Variants in PAPSS1 observed in about 807,000 individuals in gnomAD.
PAPSS1 encodes 3'-phosphoadenosine 5'-phosphosulfate synthase 1, also known as bifunctional 3'-phosphoadenosine 5'-phosphosulfate synthase 1.
Under a neutral mutation model 72.0 loss-of-function variants are expected in PAPSS1, and 50 were observed. The observed-to-expected ratio is 0.69, with a 90% CI of 0.55 to 0.88. The LOEUF is 0.88. Among genes scored for constraint, PAPSS1 ranks in the 40% least tolerant of loss-of-function variants. PAPSS1 has a pLI of 0.00. For missense variants in PAPSS1, 657 were observed against 782.2 expected, an observed-to-expected ratio of 0.84 and a Z score of 1.91; for synonymous variants, 261 against 263.6, an observed-to-expected ratio of 0.99 and a Z score of 0.09.
intron 1 of PAPSS1, among the ~76,000 whole-genome samples, chr4:107,702,023 G>A (rs1178838573): frequency 6.8e-6 from 1 of 147,580 alleles, no homozygotes; most frequent in Admixed American, 6.7e-5. Flanking sequence ...CAAAGTATCT[G>A]AACAGGCTTT....
intron 11 of PAPSS1, among the ~76,000 whole-genome samples, chr4:107,630,584 C>T (rs374082312): frequency 1.4e-4 from 22 of 152,282 alleles, no homozygotes; most frequent in South Asian, 2.1e-4. Context: ...AGTCTCATGT[C>T]GTTTTTTATA....
chr4:107,638,722 C>A (rs1031924065), intron 10 of PAPSS1, among the ~76,000 whole-genome samples: 1 of 152,142 alleles, frequency 6.6e-6, no homozygotes, highest in Non-Finnish European at 1.5e-5. Flanking sequence ...GAAAGTATTT[C>A]ATGAGGTCCT....
intron 11 of PAPSS1, among the ~76,000 whole-genome samples, chr4:107,621,863 C>T (rs1328237736): frequency 2.0e-5 from 3 of 151,658 alleles, no homozygotes; most frequent in East Asian, 1.9e-4. Flanking sequence ...CTCCTGACCT[C>T]GTAATCCACC....
chr4:107,675,869 G>A (rs906998903), intron 5 of PAPSS1, among the ~76,000 whole-genome samples: 5 of 152,100 alleles, frequency 3.3e-5, no homozygotes, highest in Admixed American at 6.5e-5. Flanking sequence ...GGGATGCAAG[G>A]CTGGTTCAAC....
rs115575237 is a variant in PAPSS1, at chr4:107,648,550, G to C, written c.1238-3480C>G. On this transcript the variant is annotated intron_variant, in intron 9 of 11. Transcript: ENST00000265174. ...GTATCCACCCCAACCACTGAACATA[G>C]AATTACAACATCTTCTTGCTTCTTT... 1.8e-3 allele frequency among the ~76,000 whole-genome samples: 272 copies of C among 152,300 alleles called. 1 individual carries two copies. The highest frequency in any genetic ancestry group is 6.1e-3 in the African/African-American group (255 of 41,550).
chr4:107,654,498 A>G (rs1726940659), intron 8 of PAPSS1, among the ~76,000 whole-genome samples, 197 bp downstream of exon 8: 1 of 152,198 alleles, frequency 6.6e-6, no homozygotes, highest in African/African-American at 2.4e-5. Context: ...GAGATTTAAA[A>G]TATGTTTGTT....
chr4:107,677,451 G>A (rs1727684164), intron 5 of PAPSS1, among the ~76,000 whole-genome samples: 1 of 152,136 alleles, frequency 6.6e-6, no homozygotes, highest in Non-Finnish European at 1.5e-5. Context: ...ATCATCACTG[G>A]CCATCAGAGA....
At chr4:107,691,875 T>C (rs190344244) in intron 3 of PAPSS1, among the ~76,000 whole-genome samples, 1 of 152,280 alleles carries the variant, frequency 6.6e-6, no homozygotes, top group Non-Finnish European at 1.5e-5. Flanking sequence ...GAATTGGGTT[T>C]TTAAAAATAA....
At chr4:107,665,709 A>C (rs2040707) in intron 5 of PAPSS1, among the ~76,000 whole-genome samples, 57,425 of 151,942 alleles carry the variant, frequency 0.38, 11,476 homozygotes, top group South Asian at 0.56. Context: ...AGATATTATA[A>C]ATTTATAAGT....
In PAPSS1 at chr4:107,654,908, G is replaced by A. The variant is rs557748169; in HGVS notation, c.896-8C>T. On this transcript the variant is annotated splice_region_variant and splice_polypyrimidine_tract_variant and intron_variant, in intron 7 of 11. Transcript: ENST00000265174. ...ACAAGTTAATGACACCTCCTGCAGA[G>A]CACAAAAGAACATGAAGCACACAGC... The A allele has an allele frequency of 1.2e-5, 19 of 1,607,250 alleles. No homozygotes were observed. The South Asian group carries it at 1.8e-4, about 15-fold the overall frequency.
chr4:107,687,826 T>A (rs141412439), intron 3 of PAPSS1, among the ~76,000 whole-genome samples: 314 of 152,284 alleles, frequency 2.1e-3, no homozygotes, highest in African/African-American at 7.3e-3. Flanking sequence ...TTAATCAAAG[T>A]GCAGTTGCCA....
intron 2 of PAPSS1, among the ~76,000 whole-genome samples, chr4:107,696,268 G>A (rs187232348): frequency 9.1e-4 from 139 of 152,130 alleles, no homozygotes; most frequent in Non-Finnish European, 1.5e-3. Context: ...AAAGATACAC[G>A]CACATGTATG....
At position 107,681,995 on chromosome 4, in the gene PAPSS1, C is replaced by T. The variant is rs975497033; in HGVS notation, c.669+20G>A. On this transcript the variant is annotated intron_variant, in intron 5 of 11. Coordinates refer to ENST00000265174, the MANE Select transcript of PAPSS1 (RefSeq NM_005443.5). ...AGATATAATTTTTCTCTGATGATTC[C>T]TTCTTTCATCCTCTCTTACCCGTTC... The T allele has an allele frequency of 1.7e-6, 2 of 1,207,156 alleles. No homozygotes were observed. Among genetic ancestry groups the T allele is most frequent in the Non-Finnish European group, 1.2e-6 (1 of 836,486 alleles). The allele number at this position is 1,207,156 out of a possible 1,614,324, so 74.8% of individuals were successfully genotyped here.
chr4:107,716,377 T>C (rs1723639471), intron 1 of PAPSS1, among the ~76,000 whole-genome samples: 1 of 152,226 alleles, frequency 6.6e-6, no homozygotes, highest in Admixed American at 6.5e-5. Flanking sequence ...CATGAGGATG[T>C]ATGATATGGA....
intron 10 of PAPSS1, among the ~76,000 whole-genome samples, chr4:107,640,288 G>A (rs1266082903): frequency 1.3e-5 from 2 of 152,068 alleles, no homozygotes; most frequent in Non-Finnish European, 2.9e-5. Context: ...CTCCATTCCT[G>A]AAATGGAATT....
chr4:107,630,445 T>G (rs996620468), intron 11 of PAPSS1, among the ~76,000 whole-genome samples: 1 of 152,174 alleles, frequency 6.6e-6, no homozygotes, highest in African/African-American at 2.4e-5. Context: ...ATCTGACGGT[T>G]TAAAAGTGTG....
intron 5 of PAPSS1, among the ~76,000 whole-genome samples, chr4:107,676,598 G>T (rs1727657732): frequency 1.3e-5 from 2 of 152,128 alleles, no homozygotes; most frequent in Non-Finnish European, 2.9e-5. Context: ...TCATGAAAAT[G>T]GCCATACTGC....
At chr4:107,718,026 G>A (rs995069103) in intron 1 of PAPSS1, among the ~76,000 whole-genome samples, 50 of 152,138 alleles carry the variant, frequency 3.3e-4, no homozygotes, top group African/African-American at 1.2e-3. Context: ...CTATAACCTT[G>A]TCTGGTCTCC....
intron 5 of PAPSS1, among the ~76,000 whole-genome samples, chr4:107,666,991 C>T (rs1194858086): frequency 6.6e-6 from 1 of 152,118 alleles, no homozygotes; most frequent in Non-Finnish European, 1.5e-5. Flanking sequence ...GGCTGAAGGG[C>T]TCCTAGACAG....
Sources: gnomAD v4.1 joint callset for allele counts (sites outside exome capture counted in the v4.1 genomes callset) on GRCh38, gnomAD v4.1.1 for gene constraint, MANE v1.5 for transcripts, NCBI Gene and HGNC (gene_info 2026-07-23, HGNC 2026-07-21) for gene names.